Variants in PCDH15 observed in about 807,000 individuals in gnomAD.
PCDH15 encodes the protein protocadherin-15.
In PCDH15, 129 loss-of-function variants were observed where a neutral mutation model predicts 178.5. The observed-to-expected ratio is 0.72, with a 90% CI of 0.63 to 0.84. PCDH15 has a LOEUF of 0.84. PCDH15 is among the 40% of genes least tolerant of loss of function. The pLI is 0.00. For missense variants in PCDH15, 2,230 were observed against 2,099.9 expected (o/e 1.06, Z -1.21); for synonymous variants, 800 against 732.0 (o/e 1.09, Z -1.50).
intron 2 of PCDH15, among the ~76,000 whole-genome samples, chr10:55,343,918 T>G (rs1037981943): frequency 2.0e-5 from 3 of 152,144 alleles, no homozygotes; most frequent in Admixed American, 6.6e-5. Flanking sequence ...CCACATTTAA[T>G]ATGTTAAATA....
At chr10:54,994,282 G>C (rs113016060) in intron 2 of PCDH15, among the ~76,000 whole-genome samples, 6 of 152,178 alleles carry the variant, frequency 3.9e-5, no homozygotes, top group African/African-American at 1.2e-4. Flanking sequence ...ACAAATTTCA[G>C]TTTCACAAAG....
At chr10:54,903,905 C>A (rs186836152) in intron 2 of PCDH15, among the ~76,000 whole-genome samples, 101 of 152,012 alleles carry the variant, frequency 6.6e-4, no homozygotes, top group African/African-American at 2.4e-3. Flanking sequence ...CTACAGGCTG[C>A]CAAGTCAAGA....
chr10:54,062,239 AAAAAAAAAAAAAAC>A (rs1033929955), intron 18 of PCDH15, among the ~76,000 whole-genome samples: 7 of 99,778 alleles, frequency 7.0e-5, no homozygotes, highest in African/African-American at 2.1e-4. Context: ...AAAAAAAAAA[AAAAAAAAAAAAAAC>A]AAAAAACAAC....
At position 54,346,366 on chromosome 10, in the gene PCDH15, G is replaced by A. The variant is rs145232643; in HGVS notation, c.593C>T (p.Pro198Leu). 4.6e-4 allele frequency: 737 copies of A among 1,612,156 alleles called. No individual in the cohort carries two copies. Among genetic ancestry groups the A allele is most frequent in the Middle Eastern group, 1.6e-3 (10 of 6,080 alleles). The part of the protein sequence containing the change: ...EYVIQYNPDD[P>L]TSNDTFEIPL... ...CATTGCAAATAGGTATTTACATACC[G>A]GATCATCTGGATTATACTGAATAAC... The change falls in exon 6 of 38, where the codon CCG becomes CTG. Residue 198 changes from proline (P) to leucine (L), a missense_variant and splice_region_variant. Coordinates refer to ENST00000644397, the MANE Select transcript of PCDH15 (RefSeq NM_001384140.1).
chr10:54,303,036 A>G (rs1358424045), intron 8 of PCDH15, among the ~76,000 whole-genome samples: 1 of 152,206 alleles, frequency 6.6e-6, no homozygotes, highest in Non-Finnish European at 1.5e-5. Context: ...TAAGAAAAAT[A>G]GGAAACTTTA....
chr10:54,402,472 G>A (rs369310653), intron 3 of PCDH15, among the ~76,000 whole-genome samples: 1 of 151,786 alleles, frequency 6.6e-6, no homozygotes, highest in African/African-American at 2.4e-5. Context: ...ACCTTTTATT[G>A]CTTTCTTTAT....
chr10:54,205,481 T>TTGTGTGTGTGTGTGTGTGTGTGTGTGTG (rs71461223), intron 10 of PCDH15, among the ~76,000 whole-genome samples: 13 of 135,088 alleles, frequency 9.6e-5, no homozygotes, highest in Non-Finnish European at 1.7e-4. Flanking sequence ...TATATTTCCT[T>TTGTGTGTGTGTGTGTGTGTGTGTGTGTG]TGTGTGTGTG....
chr10:55,448,572 T>C (rs1273655461), intron 2 of PCDH15, among the ~76,000 whole-genome samples: 1 of 152,004 alleles, frequency 6.6e-6, no homozygotes, highest in African/African-American at 2.4e-5. Flanking sequence ...TTTCAAAGTG[T>C]AGAACTTCTT....
At chr10:54,699,375 G>T (rs541316874) in intron 1 of PCDH15, among the ~76,000 whole-genome samples, 1 of 152,140 alleles carries the variant, frequency 6.6e-6, no homozygotes, top group South Asian at 2.1e-4. Context: ...TTGTGATCTA[G>T]ATGTCATGTA....
intron 2 of PCDH15, among the ~76,000 whole-genome samples, chr10:55,562,068 T>C (rs1025486983): frequency 5.3e-5 from 8 of 151,984 alleles, no homozygotes; most frequent in Non-Finnish European, 1.0e-4. Flanking sequence ...CTGTCATATT[T>C]TCAATTCTCT....
chr10:54,554,818 T>C (rs1318593174), intron 2 of PCDH15, among the ~76,000 whole-genome samples: 1 of 152,108 alleles, frequency 6.6e-6, no homozygotes, highest in Non-Finnish European at 1.5e-5. Context: ...AGAACTCCAA[T>C]TCCTAACTGA....
chr10:55,384,826 A>T (rs1837613195), intron 2 of PCDH15, among the ~76,000 whole-genome samples: 1 of 152,138 alleles, frequency 6.6e-6, no homozygotes, highest in Non-Finnish European at 1.5e-5. Flanking sequence ...CCTACTGTGG[A>T]TCAAAGACTT....
chr10:54,369,904 A>T (rs1440407470), intron 4 of PCDH15, among the ~76,000 whole-genome samples: 1 of 151,994 alleles, frequency 6.6e-6, no homozygotes, highest in African/African-American at 2.4e-5. Context: ...CATTTTTTGT[A>T]TAATACTATG....
chr10:55,009,443 A>G (rs752692530), intron 2 of PCDH15, among the ~76,000 whole-genome samples: 2 of 152,106 alleles, frequency 1.3e-5, no homozygotes, highest in Non-Finnish European at 2.9e-5. Flanking sequence ...GCCATCTACC[A>G]CCAACATTTT....
At position 54,066,816 on chromosome 10, in the gene PCDH15, G is replaced by C. The variant is rs794727217; in HGVS notation, c.2161C>G (p.Leu721Val). Residue 721 changes from leucine to valine, a missense_variant, in exon 18 of 38, where the codon CTG (leucine) becomes GTG (valine). Leu to Val is a conservative substitution (Grantham distance 32). Coordinates refer to ENST00000644397, the MANE Select transcript of PCDH15 (RefSeq NM_001384140.1). The stretch of plus-strand genomic sequence containing the variant: ...TCCACCACAGATAAATTTCTTGGCA[G>C]ATAAGGATCAAACACTGGAGCATTG... Reference protein sequence around the residue: ...NDNAPVFDPYLPRNLSVVEEE... With the variant: ...NDNAPVFDPYVPRNLSVVEEE... The C allele has an allele frequency of 6.2e-7, 1 of 1,613,444 alleles. No individual in the cohort carries two copies. The highest frequency in any genetic ancestry group is 8.5e-7 in the Non-Finnish European group (1 of 1,179,596).
intron 3 of PCDH15, among the ~76,000 whole-genome samples, chr10:54,439,118 A>G (rs921193614): frequency 1.5e-5 from 2 of 133,164 alleles, no homozygotes; most frequent in African/African-American, 2.8e-5. Flanking sequence ...TATAAATTAT[A>G]TATAGAAAAA....
At chr10:54,301,392 T>G in intron 8 of PCDH15, among the ~76,000 whole-genome samples, 1 of 152,220 alleles carries the variant, frequency 6.6e-6, no homozygotes, top group East Asian at 1.9e-4. Flanking sequence ...ATCTCTAAAA[T>G]ATTTCTTTAG....
At chr10:54,069,357 G>A (rs1020820071) in intron 17 of PCDH15, among the ~76,000 whole-genome samples, 8 of 152,132 alleles carry the variant, frequency 5.3e-5, no homozygotes, top group African/African-American at 1.9e-4. Context: ...TAACTCTTAA[G>A]TGGATAATGA....
intron 5 of PCDH15, among the ~76,000 whole-genome samples, chr10:54,361,155 T>C (rs1945977085): frequency 6.6e-6 from 1 of 152,026 alleles, no homozygotes; most frequent in South Asian, 2.1e-4. Context: ...CATACTCAGG[T>C]CCCTAATTGA....
Sources: allele counts gnomAD v4.1 joint callset (sites outside exome capture counted in the v4.1 genomes callset), GRCh38; gene constraint gnomAD v4.1.1; transcripts MANE v1.5; gene names NCBI Gene and HGNC (gene_info 2026-07-23, HGNC 2026-07-21).